RGS3: variants seen among roughly 807,000 people sequenced by gnomAD.
The protein encoded by RGS3 is regulator of G-protein signalling 3.
A neutral mutation model predicts 132.6 loss-of-function variants in RGS3; 80 were observed. The ratio of observed to expected loss-of-function variants is 0.60; its 90% CI spans 0.50 to 0.73. The LOEUF is 0.73. Among genes scored for constraint, RGS3 ranks in the 30% least tolerant of loss-of-function variants. RGS3 has a pLI of 0.00. For synonymous variants in RGS3, 598 were observed against 620.6 expected (o/e 0.96, Z 0.54); for missense variants, 1,382 against 1,530.8 (o/e 0.90, Z 1.62).
Position 113,509,283 on chromosome 9 carries a change from T to TA in RGS3, c.1477+718dup, listed in dbSNP as rs80336967. Among the ~76,000 whole-genome samples the TA allele has an allele frequency of 2.4e-3, 331 of 139,838 alleles. 1 individual carries two copies. The highest frequency in any genetic ancestry group is 0.018 in the Middle Eastern group (5 of 274). The allele number at this position is 139,838 out of a possible 152,430, so 91.7% of individuals were successfully genotyped here. Reference sequence around the variant, plus strand: ...CTGGGTGACAGAGCGAGACTCTGTCTAAAAAAAAAAAAAAATCCTGTCCCC... The same window carrying TA: ...CTGGGTGACAGAGCGAGACTCTGTCTAAAAAAAAAAAAAAAATCCTGTCCCC... On this transcript the variant is annotated intron_variant, in intron 14 of 24. Transcript: ENST00000350696.
At chr9:113,483,827 G>T (rs762655472) in intron 5 of RGS3, among the ~76,000 whole-genome samples, 1 of 152,130 alleles carries the variant, frequency 6.6e-6, no homozygotes, top group African/African-American at 2.4e-5. Context: ...GAGTCCTTTC[G>T]CTTCTGGGGA....
exon 19 of RGS3, chr9:113,536,831 G>A (rs757053549): frequency 3.7e-5 from 60 of 1,614,032 alleles, no homozygotes; most frequent in African/African-American, 1.1e-4. Flanking sequence ...AAGCGCACTC[G>A]CAGGAGCAGA....
In RGS3 at chr9:113,506,642, T is replaced by C. The variant is rs1831145801; in HGVS notation, c.1085+149T>C. The C allele has an allele frequency of 1.6e-6, 1 of 620,284 alleles. No individual in the cohort carries two copies. The highest frequency in any genetic ancestry group is 2.0e-5 in the South Asian group (1 of 49,976). 38.4% of individuals were successfully genotyped at this position (620,284 alleles called of 1,614,324 possible). A position where few individuals can be genotyped will look rare whatever the true frequency, so the allele number is the denominator to read the frequency against. On this transcript the variant is annotated intron_variant, in intron 12 of 24. Transcript: ENST00000350696. This position sits in a 1 kb window ranked among gnomAD's most constrained non-coding sequence, Gnocchi z 4.7. ...AATTCCTTTTGCTCTTCAAGGAATC[T>C]GTTTCTTGGCCTGAGAATGGAAGGT... is the stretch of plus-strand genomic sequence containing the variant.
intron 1 of RGS3, among the ~76,000 whole-genome samples, chr9:113,452,416 GTTT>G (rs371128451): frequency 7.2e-6 from 1 of 139,812 alleles, no homozygotes; most frequent in South Asian, 2.3e-4. Flanking sequence ...GTAATGTGTA[GTTT>G]TTTTTTTTTT....
At chr9:113,514,566 C>T (rs1269367207) in exon 15 of RGS3, 13 of 1,614,030 alleles carry the variant, frequency 8.1e-6, no homozygotes, top group East Asian at 2.2e-5. Context: ...CAAAACTGCC[C>T]GGTTGTGAGG....
At chr9:113,512,894 T>C (rs1205084899) in intron 14 of RGS3, among the ~76,000 whole-genome samples, 1 of 152,150 alleles carries the variant, frequency 6.6e-6, no homozygotes, top group East Asian at 1.9e-4. Context: ...CTAGACGGAA[T>C]GTAACAAAAA....
intron 1 of RGS3, among the ~76,000 whole-genome samples, chr9:113,451,225 T>C (rs928516602): frequency 1.3e-5 from 2 of 150,450 alleles, no homozygotes; most frequent in African/African-American, 4.9e-5. Context: ...CCTTCAGTGA[T>C]TGGAAAGAAT....
intron 19 of RGS3, among the ~76,000 whole-genome samples, chr9:113,560,188 G>A (rs1833732309): frequency 6.6e-6 from 1 of 152,200 alleles, no homozygotes; most frequent in Non-Finnish European, 1.5e-5. Flanking sequence ...CATGGGAGGG[G>A]AGGAGTAGGG....
intron 20 of RGS3, among the ~76,000 whole-genome samples, chr9:113,588,250 G>A (rs1449335579): frequency 6.6e-6 from 1 of 152,232 alleles, no homozygotes; most frequent in Non-Finnish European, 1.5e-5. Context: ...CCAGCTCCAA[G>A]ACGATAATAC....
chr9:113,517,230 G>A (rs752697382), intron 15 of RGS3: 4 of 526,908 alleles, frequency 7.6e-6, no homozygotes, highest in South Asian at 3.1e-5. Flanking sequence ...TGCAGTGGGG[G>A]GTGAGAGCTG....
chr9:113,541,612 G>A, intron 19 of RGS3: 2 of 1,275,988 alleles, frequency 1.6e-6, no homozygotes. Context: ...AATGGTGTGA[G>A]AGGCCTTGTG....
chr9:113,450,932 C>A (rs368019374), intron 1 of RGS3, among the ~76,000 whole-genome samples: 12 of 152,250 alleles, frequency 7.9e-5, no homozygotes, highest in African/African-American at 2.9e-4. Context: ...GTAATCCCAG[C>A]ACTTTGGGAG....
chr9:113,484,061 G>T, intron 5 of RGS3, 77 bp from the exon 4 acceptor site: 1 of 856,524 alleles, frequency 1.2e-6, no homozygotes, highest in Middle Eastern at 2.3e-4. Flanking sequence ...CTTTAACTTG[G>T]AGATGTGCAG....
intron 8 of RGS3, among the ~76,000 whole-genome samples, chr9:113,496,229 C>T (rs1334278876): frequency 6.6e-6 from 1 of 152,144 alleles, no homozygotes; most frequent in East Asian, 1.9e-4. Context: ...ATGTGTCTAC[C>T]AGGCCTGATA....
At chr9:113,478,442 A>T (rs1403335709) in intron 3 of RGS3, among the ~76,000 whole-genome samples, 1 of 151,990 alleles carries the variant, frequency 6.6e-6, no homozygotes, top group Non-Finnish European at 1.5e-5. Flanking sequence ...TTAATTTGGC[A>T]TCCTTTCAGA....
At chr9:113,526,539 C>A (rs558314469) in intron 17 of RGS3, among the ~76,000 whole-genome samples, 1 of 152,322 alleles carries the variant, frequency 6.6e-6, no homozygotes, top group East Asian at 1.9e-4. Flanking sequence ...TCATGTTGTT[C>A]TCCCTCCCTG....
chr9:113,495,747 G>GA (rs917751109), intron 7 of RGS3, 39 bp from the exon 6 acceptor site: 43 of 1,590,984 alleles, frequency 2.7e-5, no homozygotes, highest in Non-Finnish European at 3.6e-5. Flanking sequence ...ATAGAGCCCA[G>GA]AAAAAAAATG....
intron 19 of RGS3, among the ~76,000 whole-genome samples, chr9:113,573,673 G>T (rs543438327): frequency 1.3e-4 from 20 of 152,310 alleles, no homozygotes; most frequent in African/African-American, 4.8e-4. Flanking sequence ...ACCCTGGGAG[G>T]GAGAGGATTT....
chr9:113,553,352 A>C (rs1259261426), intron 19 of RGS3, among the ~76,000 whole-genome samples: 1 of 146,230 alleles, frequency 6.8e-6, no homozygotes, highest in African/African-American at 2.5e-5. Context: ...CTGAGGTGGG[A>C]GGATCGCTTG....
Sources: allele counts gnomAD v4.1 joint callset (sites outside exome capture counted in the v4.1 genomes callset), GRCh38; gene constraint gnomAD v4.1.1; non-coding constraint Gnocchi (gnomAD v3.1); transcripts MANE v1.5; gene names NCBI Gene and HGNC (gene_info 2026-07-23, HGNC 2026-07-21).